Variants in LTBP2 observed in about 807,000 individuals in gnomAD.
LTBP2 encodes latent-transforming growth factor beta-binding protein 2.
In LTBP2, 103 loss-of-function variants were observed where a neutral mutation model predicts 210.6. The ratio of observed to expected loss-of-function variants is 0.49; its 90% confidence interval spans 0.42 to 0.58. LTBP2 has a LOEUF of 0.58. Among genes scored for constraint, LTBP2 ranks in the 20% least tolerant of loss-of-function variants. The probability of loss-of-function intolerance (pLI) is 0.00; values close to 1 mark genes in which losing one functional copy is unlikely to be tolerated. For missense variants in LTBP2, 2,313 were observed against 2,494.5 expected (o/e 0.93, Z 1.55); for synonymous variants, 1,007 against 1,015.0 (o/e 0.99, Z 0.15).
chr14:74,603,655 C>A lies in LTBP2; in HGVS notation c.545G>T (p.Ser182Ile), dbSNP rs1287147932. Residue 182 changes from serine (S) to isoleucine (I), a missense_variant, in exon 2 of 36, where the codon AGC becomes ATC. Ser to Ile is a moderately radical substitution (Grantham distance 142, BLOSUM62 -2). This residue lies in a region of LTBP2 where 1,867 missense variants were observed against 1,976.9 expected (regional missense o/e 0.94). Transcript: ENST00000261978. ...QCCPGWTTAN[S>I]TNHCIKPVCE... ...CTCACGTTTGATACAGTGGTTGGTG[C>A]TGTTTGCTGTTGTCCATCCTGGGCA... 3 of 1,614,210 alleles carry A rather than the reference C, an allele frequency of 1.9e-6. No individual in the cohort carries two copies. The highest frequency in any genetic ancestry group is 2.5e-6 in the Non-Finnish European group (3 of 1,180,042).
Position 74,527,332 on chromosome 14 carries a change from G to A in LTBP2, c.2388+15C>T, listed in dbSNP as rs1388930757. ...GCCATGCTTGCCCGGCCCCCTAGTG[G>A]GAGGACGCACTCACCTGGCCAGCCT... On this transcript the variant is annotated intron_variant, in intron 13 of 35. Transcript: ENST00000261978. The A allele has an allele frequency of 1.9e-6, 3 of 1,610,846 alleles. No individual in the cohort carries two copies. In the African/African-American group the frequency reaches 4.0e-5, roughly 22 times the overall value.
rs1420141860 is a variant in LTBP2, at chr14:74,555,551, CT to C, written c.972del (p.Asp325MetfsTer18). ...ALPPGPGLEQ[R>X]DGTQQAVPLE... The stretch of plus-strand genomic sequence containing the variant: ...AGAGGTACCGCCTGTTGGGTGCCAT[CT>C]CTCTGCTCAAGGCCTGGTCCCGGGG... On this transcript the variant is annotated frameshift_variant, in exon 4 of 36. Coordinates refer to ENST00000261978, the MANE Select transcript of LTBP2 (RefSeq NM_000428.3). LOFTEE classifies it high-confidence loss of function. 3.7e-6 allele frequency: 6 copies of C among 1,613,130 alleles called. No individual in the cohort carries two copies. The highest frequency in any genetic ancestry group is 5.1e-6 in the Non-Finnish European group (6 of 1,179,496).
intron 17 of LTBP2, among the ~76,000 whole-genome samples, chr14:74,517,643 G>C (rs1009747972): frequency 6.6e-6 from 1 of 151,944 alleles, no homozygotes; most frequent in Non-Finnish European, 1.5e-5. Context: ...AAAGTGCTGG[G>C]ATTATAAGCA....
chr14:74,605,953 T>C (rs1391042144), intron 1 of LTBP2, among the ~76,000 whole-genome samples: 1 of 152,114 alleles, frequency 6.6e-6, no homozygotes, highest in East Asian at 1.9e-4. Context: ...TACAGGCCAA[T>C]ATTAAAGTTT....
rs1422136985 is a variant in LTBP2 at position 74,540,871 on chromosome 14, A to ATATATT, written c.1790-4872_1790-4871insAATATA. On this transcript the variant is annotated intron_variant, in intron 8 of 35. Coordinates refer to ENST00000261978, the MANE Select transcript of LTBP2 (RefSeq NM_000428.3). ...TATTATATATATTATATATATTTATATATATAATATATATATTATATATTA... is the reference window on the plus strand; with the variant it reads ...TATTATATATATTATATATATTTATATATATTTATATAATATATATATTATATATTA... Among the ~76,000 whole-genome samples, 38 of 101,832 alleles carry ATATATT rather than the reference A, an allele frequency of 3.7e-4. 1 individual carries two copies. The highest frequency in any genetic ancestry group is 1.6e-3 in the South Asian group (6 of 3,768). The allele number at this position is 101,832 out of a possible 152,430, so 66.8% of individuals were successfully genotyped here. A position where few individuals can be genotyped will look rare whatever the true frequency, so the allele number is the denominator to read the frequency against.
chr14:74,517,830 C>G (rs912383084), intron 17 of LTBP2, among the ~76,000 whole-genome samples: 3 of 152,200 alleles, frequency 2.0e-5, no homozygotes, highest in African/African-American at 7.2e-5. Context: ...CCACTCACGC[C>G]CCTCCACTGC....
intron 22 of LTBP2, 70 bp from the exon 23 acceptor site, chr14:74,509,022 G>C: frequency 6.2e-7 from 1 of 1,601,868 alleles, no homozygotes. Flanking sequence ...CAAGGGGGAA[G>C]TCTCCAGAGG....
At position 74,511,271 on chromosome 14, in the gene LTBP2, T is replaced by C; in HGVS notation, c.3002A>G (p.Tyr1001Cys). 1 of 1,613,944 alleles carries C rather than the reference T, an allele frequency of 6.2e-7. No homozygotes were observed. The highest frequency in any genetic ancestry group is 1.1e-5 in the South Asian group (1 of 91,086). ...SYTCLACEEGYRGQSGSCVDV... is the reference protein window; with the variant it reads ...SYTCLACEEGCRGQSGSCVDV... ...TACACAGCTCCCACTCTGGCCCCGG[T>C]AGCCCTCCTCACAGGCCAGACAAGT... Residue 1001 changes from tyrosine to cysteine, a missense_variant, in exon 19 of 36, where the codon TAC (tyrosine) becomes TGC (cysteine). Transcript: ENST00000261978.
rs768171596 is a variant in LTBP2 at position 74,508,595 on chromosome 14, G to C, written c.3652+9C>G. ...CTGGCCAGTAGAGGTAGCTGTGCTG[G>C]CTTCTCACCCTGGCAGCTGGTGCCC... On this transcript the variant is annotated intron_variant, in intron 24 of 35. Transcript: ENST00000261978. 1.2e-6 allele frequency: 2 copies of C among 1,603,264 alleles called. No individual in the cohort carries two copies. Among genetic ancestry groups the C allele is most frequent in the Middle Eastern group, 3.5e-4 (2 of 5,774 alleles).
intron 18 of LTBP2, among the ~76,000 whole-genome samples, chr14:74,513,791 C>T (rs552827776): frequency 2.2e-5 from 3 of 136,666 alleles, no homozygotes; most frequent in African/African-American, 5.8e-5. Context: ...GGTGACAGAG[C>T]GAGACTCTGT....
intron 3 of LTBP2, among the ~76,000 whole-genome samples, chr14:74,572,307 CTGTG>C (rs1203424524): frequency 2.1e-5 from 3 of 140,244 alleles, no homozygotes; most frequent in Non-Finnish European, 4.8e-5. Context: ...GTGTGTGTGT[CTGTG>C]TGTGTGTGTG....
intron 18 of LTBP2, among the ~76,000 whole-genome samples, chr14:74,515,644 TCA>T (rs2087125292): frequency 6.6e-6 from 1 of 152,216 alleles, no homozygotes; most frequent in Non-Finnish European, 1.5e-5. Flanking sequence ...AATGTCAAAT[TCA>T]CAGTGTCATT....
At chr14:74,518,283 T>C (rs1016898905) in intron 17 of LTBP2, among the ~76,000 whole-genome samples, 2 of 152,170 alleles carry the variant, frequency 1.3e-5, no homozygotes, top group East Asian at 3.8e-4. Context: ...ACTGCAGAAA[T>C]GTTAGCTATT....
chr14:74,516,848 A>C lies in LTBP2; in HGVS notation c.2882T>G (p.Ile961Ser). ...SYHCECDQGY[I>S]MVRKGHCQDI... Reference sequence around the variant, plus strand: ...TTGGCAGTGTCCTTTCCTGACCATGATGTAGCCCTGATCACACTCGCAGTG... The same window carrying C: ...TTGGCAGTGTCCTTTCCTGACCATGCTGTAGCCCTGATCACACTCGCAGTG... The change falls in exon 18 of 36, where the codon ATC becomes AGC. Residue 961 changes from isoleucine to serine, a missense_variant. Coordinates refer to ENST00000261978, the MANE Select transcript of LTBP2 (RefSeq NM_000428.3). 6.4e-7 allele frequency: 1 copy of C among 1,551,826 alleles called. No individual in the cohort carries two copies.
rs1233576619 is a variant in LTBP2 at position 74,611,646 on chromosome 14, T to A, written c.299A>T (p.Glu100Val). ...GCGGGACGGCCTCCTGGCCTCCGCC[T>A]CGGTGGGCCTCCTGGGGCTCCCCCA... ...PGWGSPRRPT[E>V]AEARRPSRAQ... Residue 100 changes from glutamate (E) to valine (V), a missense_variant, in exon 1 of 36, where the codon GAG becomes GTG. Glu to Val is a moderately radical substitution (Grantham distance 121). Around this residue, in one of 3 missense-constraint regions of LTBP2, gnomAD observed 1,867 missense variants for 1,976.9 expected, o/e 0.94. Transcript: ENST00000261978. The A allele has an allele frequency of 4.5e-6, 7 of 1,557,210 alleles. No homozygotes were observed. Among genetic ancestry groups the A allele is most frequent in the Non-Finnish European group, 6.0e-6 (7 of 1,157,164 alleles).
At chr14:74,606,308 T>C (rs2088525672) in intron 1 of LTBP2, among the ~76,000 whole-genome samples, 1 of 152,246 alleles carries the variant, frequency 6.6e-6, no homozygotes. Flanking sequence ...GGCACCCATG[T>C]GCCTACTTTC....
chr14:74,580,295 A>G (rs991273210), intron 3 of LTBP2, among the ~76,000 whole-genome samples: 1 of 152,164 alleles, frequency 6.6e-6, no homozygotes, highest in Non-Finnish European at 1.5e-5. Flanking sequence ...CCCCGGACCT[A>G]TGAATGTGAC....
intron 27 of LTBP2, 71 bp downstream of exon 27, chr14:74,506,627 C>CA: frequency 6.2e-7 from 1 of 1,600,738 alleles, no homozygotes; most frequent in South Asian, 1.1e-5. Context: ...TGACCAGGAC[C>CA]AGTTGAGGAG....
chr14:74,588,616 C>G (rs970199501), intron 2 of LTBP2, among the ~76,000 whole-genome samples: 26 of 152,144 alleles, frequency 1.7e-4, no homozygotes, highest in African/African-American at 6.0e-4. Context: ...CTCTTTGTAA[C>G]TTTAGCTCCT....
Sources: allele counts gnomAD v4.1 joint callset (sites outside exome capture counted in the v4.1 genomes callset), GRCh38; gene constraint gnomAD v4.1.1; regional missense constraint gnomAD v4.1.1; transcripts MANE v1.5; gene names NCBI Gene and HGNC (gene_info 2026-07-23, HGNC 2026-07-21).